CSTPP1: variants seen among roughly 807,000 people sequenced by gnomAD.
CSTPP1 encodes centriolar satellite-associated tubulin polyglutamylase complex regulator 1.
the CSTPP1 span, among the ~76,000 whole-genome samples, chr11:47,147,943 C>G: frequency 6.6e-6 from 1 of 152,144 alleles, no homozygotes; most frequent in Non-Finnish European, 1.5e-5. Context: ...TTCCCACACC[C>G]TCTGGATCAA....
chr11:46,971,644 A>AT, the CSTPP1 span, among the ~76,000 whole-genome samples: 88 of 148,918 alleles, frequency 5.9e-4, no homozygotes, highest in Admixed American at 1.2e-3. Flanking sequence ...TGATCTTCTA[A>AT]TTTTTTTTTT....
At chr11:47,049,737 C>T in the CSTPP1 span, among the ~76,000 whole-genome samples, 1 of 151,666 alleles carries the variant, frequency 6.6e-6, no homozygotes, top group African/African-American at 2.4e-5. Flanking sequence ...TCAAGCGATC[C>T]TCCATCCTCA....
At chr11:47,160,015 A>G in the CSTPP1 span, 1 of 263,332 alleles carries the variant, frequency 3.8e-6, no homozygotes, top group East Asian at 1.1e-4. Flanking sequence ...ATAAATAAAC[A>G]CTAATAGCCA....
chr11:47,102,988 A>AG, the CSTPP1 span, among the ~76,000 whole-genome samples: 1 of 68,750 alleles, frequency 1.5e-5, no homozygotes, highest in African/African-American at 6.1e-5. Context: ...AGTGCCTCAC[A>AG]GAAAAAAAAA....
At chr11:47,080,282 T>G in the CSTPP1 span, among the ~76,000 whole-genome samples, 1 of 151,988 alleles carries the variant, frequency 6.6e-6, no homozygotes, top group Non-Finnish European at 1.5e-5. Context: ...GGTGAAACCC[T>G]GTCTCTACTA....
the CSTPP1 span, among the ~76,000 whole-genome samples, chr11:47,152,234 G>A: frequency 5.3e-5 from 8 of 149,754 alleles, no homozygotes; most frequent in Admixed American, 4.0e-4. Context: ...GGGCAACAGA[G>A]CAAGACTCAA....
chr11:47,078,088 G>A, the CSTPP1 span, among the ~76,000 whole-genome samples: 1 of 152,152 alleles, frequency 6.6e-6, no homozygotes, highest in African/African-American at 2.4e-5. Context: ...TATGTGTGTG[G>A]TGAAAAAGAT....
chr11:47,012,238 C>T, the CSTPP1 span, among the ~76,000 whole-genome samples: 1 of 152,202 alleles, frequency 6.6e-6, no homozygotes, highest in Admixed American at 6.5e-5. Flanking sequence ...ACCTGGGCAA[C>T]AGAGTGAGAC....
the CSTPP1 span, among the ~76,000 whole-genome samples, chr11:47,024,762 A>G: frequency 6.6e-6 from 1 of 152,234 alleles, no homozygotes; most frequent in East Asian, 1.9e-4. Context: ...CAGGATCTTC[A>G]AAAATTTTGT....
chr11:47,052,583 C>T, the CSTPP1 span: 1 of 1,498,980 alleles, frequency 6.7e-7, no homozygotes, highest in East Asian at 2.4e-5. Context: ...TCCTTCCTTC[C>T]TCTCTCTCTC....
the CSTPP1 span, among the ~76,000 whole-genome samples, chr11:47,086,785 A>C: frequency 6.6e-6 from 1 of 152,228 alleles, no homozygotes; most frequent in South Asian, 2.1e-4. Context: ...GTGCTTATTT[A>C]TCAAAAGCAG....
the CSTPP1 span, chr11:47,161,742 C>T: frequency 1.8e-5 from 26 of 1,465,794 alleles, no homozygotes; most frequent in African/African-American, 3.0e-4. Context: ...CTGCCCTCTG[C>T]TGCTGACAAG....
chr11:46,999,440 T>C, the CSTPP1 span, among the ~76,000 whole-genome samples: 2 of 152,180 alleles, frequency 1.3e-5, no homozygotes, highest in Admixed American at 6.6e-5. Flanking sequence ...TGCAGTATTA[T>C]AGAGTCCACT....
At chr11:47,072,030 G>T in the CSTPP1 span, among the ~76,000 whole-genome samples, 1 of 152,214 alleles carries the variant, frequency 6.6e-6, no homozygotes, top group Non-Finnish European at 1.5e-5. Flanking sequence ...CAGTTTTGCT[G>T]AGTTATTTAC....
the CSTPP1 span, among the ~76,000 whole-genome samples, chr11:47,014,865 T>A: frequency 6.6e-6 from 1 of 151,426 alleles, no homozygotes; most frequent in African/African-American, 2.4e-5. Context: ...GAGTAAAGAT[T>A]AGAGTAGAAA....
chr11:47,001,561 A>G, the CSTPP1 span, among the ~76,000 whole-genome samples: 13 of 151,900 alleles, frequency 8.6e-5, no homozygotes, highest in African/African-American at 2.4e-4. Flanking sequence ...ATACATGTGT[A>G]GAACGTGCAG....
chr11:47,053,258 AAGG>A, the CSTPP1 span, among the ~76,000 whole-genome samples: 3 of 152,142 alleles, frequency 2.0e-5, no homozygotes. Context: ...GGAGTTTATG[AAGG>A]AGGTTAGGGG....
At chr11:46,976,996 T>C in the CSTPP1 span, among the ~76,000 whole-genome samples, 2 of 152,224 alleles carry the variant, frequency 1.3e-5, no homozygotes, top group Non-Finnish European at 2.9e-5. Flanking sequence ...CCTCAGCAAG[T>C]TCATCTTCTG....
the CSTPP1 span, among the ~76,000 whole-genome samples, chr11:47,127,011 T>C: frequency 3.3e-5 from 5 of 151,974 alleles, no homozygotes; most frequent in Non-Finnish European, 7.4e-5. Flanking sequence ...GGGTTCTCAC[T>C]GTGGGAATTC....
Sources: allele counts gnomAD v4.1 joint callset (sites outside exome capture counted in the v4.1 genomes callset), GRCh38; gene constraint gnomAD v4.1.1; transcripts MANE v1.5; gene names NCBI Gene and HGNC (gene_info 2026-07-23, HGNC 2026-07-21).